ZNF407: variants seen among roughly 807,000 people sequenced by gnomAD.
The protein encoded by ZNF407 is zinc finger protein 407.
ZNF407 carries 17 observed loss-of-function variants against 131.2 expected under a neutral mutation model. That is an observed-to-expected ratio of 0.13 (90% CI 0.09 to 0.19). The LOEUF is 0.19. ZNF407 is among the 10% of genes least tolerant of loss of function. ZNF407 has a pLI of 1.00. For missense variants in ZNF407, 2,681 were observed against 2,830.6 expected (o/e 0.95, Z 1.20); for synonymous variants, 1,156 against 1,062.0 (o/e 1.09, Z -1.72).
intron 2 of ZNF407, among the ~76,000 whole-genome samples, chr18:74,639,785 C>G (rs904330167): frequency 4.6e-5 from 7 of 151,696 alleles, no homozygotes; most frequent in Admixed American, 4.6e-4. Context: ...AAATGCTTCA[C>G]TTTTTTTGTC....
At chr18:74,680,105 A>G (rs942961668) in intron 3 of ZNF407, among the ~76,000 whole-genome samples, 10 of 152,288 alleles carry the variant, frequency 6.6e-5, no homozygotes, top group African/African-American at 2.2e-4. Flanking sequence ...TAAGCCAGAA[A>G]ATCAGGCTGG....
intron 3 of ZNF407, among the ~76,000 whole-genome samples, chr18:74,718,583 A>T (rs182047534): frequency 1.1e-4 from 16 of 152,008 alleles, no homozygotes; most frequent in Middle Eastern, 3.4e-3. Flanking sequence ...GTTGGCCTTG[A>T]CTTCCTGTGC....
Position 74,641,045 on chromosome 18 carries a change from A to G in ZNF407, c.4725A>G (p.Ala1575=). The G allele has an allele frequency of 1.2e-6, 2 of 1,613,424 alleles. No homozygotes were observed. Among genetic ancestry groups the G allele is most frequent in the Non-Finnish European group, 1.7e-6 (2 of 1,179,460 alleles). Residue 1575 remains alanine (A), a synonymous_variant, in exon 3 of 9, where the codon GCA becomes GCG. Transcript: ENST00000299687. ...TCAAGTGCAAGATATGCCATTTTGC[A>G]ACAGCTCAGCTTGGAGATGCCAGAA... ...KPFKCKICHF[A]TAQLGDARNH... is the part of the protein sequence containing the mutation.
intron 8 of ZNF407, among the ~76,000 whole-genome samples, chr18:74,991,169 T>C (rs1386541559): frequency 2.6e-5 from 4 of 152,228 alleles, no homozygotes; most frequent in Non-Finnish European, 4.4e-5. Flanking sequence ...GAGAAAGTTA[T>C]AACTTATGAA....
At chr18:74,896,384 A>G (rs1971454008) in intron 7 of ZNF407, among the ~76,000 whole-genome samples, 2 of 152,242 alleles carry the variant, frequency 1.3e-5, no homozygotes, top group South Asian at 2.1e-4. Flanking sequence ...AAAAATACAA[A>G]TGTCCCAGGC....
intron 8 of ZNF407, among the ~76,000 whole-genome samples, chr18:74,994,251 A>G (rs915521644): frequency 6.6e-6 from 1 of 152,190 alleles, no homozygotes; most frequent in South Asian, 2.1e-4. Flanking sequence ...TAAAAAAAAA[A>G]TGTGTATATA....
intron 3 of ZNF407, among the ~76,000 whole-genome samples, chr18:74,647,060 T>C (rs1156354178): frequency 6.6e-6 from 1 of 152,230 alleles, no homozygotes; most frequent in African/African-American, 2.4e-5. Context: ...CTAAAGTCTT[T>C]TCCAGTGAAA....
chr18:74,950,469 G>A (rs2145278698), intron 8 of ZNF407, among the ~76,000 whole-genome samples: 1 of 152,240 alleles, frequency 6.6e-6, no homozygotes, highest in South Asian at 2.1e-4. Flanking sequence ...TTATTTAGAA[G>A]TCTCATTTAT....
At chr18:74,643,201 T>C (rs1274626948) in intron 3 of ZNF407, among the ~76,000 whole-genome samples, 3 of 152,134 alleles carry the variant, frequency 2.0e-5, no homozygotes, top group African/African-American at 2.4e-5. Context: ...TATTTATACA[T>C]TGACATCACT....
intron 4 of ZNF407, among the ~76,000 whole-genome samples, chr18:74,834,530 C>T (rs1599184980): frequency 6.6e-6 from 1 of 152,192 alleles, no homozygotes; most frequent in Non-Finnish European, 1.5e-5. Context: ...AGAAATAACT[C>T]CAGACTGGAT....
intron 8 of ZNF407, among the ~76,000 whole-genome samples, chr18:74,924,110 A>G (rs1165090819): frequency 6.6e-6 from 1 of 152,210 alleles, no homozygotes. Context: ...AGTACGTTTT[A>G]TATGATTGTG....
intron 4 of ZNF407, among the ~76,000 whole-genome samples, chr18:74,786,511 TAA>T (rs372985621): frequency 2.8e-4 from 42 of 151,884 alleles, no homozygotes; most frequent in African/African-American, 9.2e-4. Flanking sequence ...TTAGGAAAAA[TAA>T]AGTGTTTATG....
chr18:74,662,685 A>G (rs1240822071), intron 3 of ZNF407, among the ~76,000 whole-genome samples: 2 of 152,234 alleles, frequency 1.3e-5, no homozygotes, highest in Non-Finnish European at 2.9e-5. Flanking sequence ...AGACAGAAAA[A>G]TGCATTCAAC....
chr18:74,902,472 T>C (rs551368446), intron 7 of ZNF407, among the ~76,000 whole-genome samples: 1 of 152,276 alleles, frequency 6.6e-6, no homozygotes, highest in Non-Finnish European at 1.5e-5. Flanking sequence ...AATAAGACGT[T>C]TGAGAGACTT....
intron 3 of ZNF407, among the ~76,000 whole-genome samples, chr18:74,709,226 G>T (rs1967699552): frequency 6.6e-6 from 1 of 152,106 alleles, no homozygotes; most frequent in African/African-American, 2.4e-5. Flanking sequence ...CAGTCTTTTA[G>T]GTTGAATTAA....
intron 8 of ZNF407, among the ~76,000 whole-genome samples, chr18:75,011,523 TAAAA>T (rs575738142): frequency 6.6e-6 from 1 of 151,970 alleles, no homozygotes; most frequent in Non-Finnish European, 1.5e-5. Context: ...TTATTACACA[TAAAA>T]AAAATCTTTG....
At chr18:74,798,874 T>C (rs1969969844) in intron 4 of ZNF407, among the ~76,000 whole-genome samples, 2 of 152,126 alleles carry the variant, frequency 1.3e-5, no homozygotes, top group Non-Finnish European at 2.9e-5. Flanking sequence ...GACAGAATCT[T>C]TGGATTTTAT....
In ZNF407 at chr18:74,634,945, T is replaced by G; in HGVS notation, c.3926T>G (p.Leu1309Arg). Reference sequence around the variant, plus strand: ...CCCGTTCTGGGGAATAAGGAAATTCTGATGAATTCACAACATGAAACAGAA... The same window carrying G: ...CCCGTTCTGGGGAATAAGGAAATTCGGATGAATTCACAACATGAAACAGAA... ...EDPVLGNKEI[L>R]MNSQHETEFI... is the part of the protein sequence containing the mutation. Residue 1309 changes from leucine to arginine, a missense_variant, in exon 2 of 9, where the codon CTG (leucine) becomes CGG (arginine). This residue lies in a region of ZNF407 where 1,789 missense variants were observed against 1,748.7 expected (regional missense o/e 1.02). Coordinates refer to ENST00000299687, the MANE Select transcript of ZNF407 (RefSeq NM_017757.3). 1 of 1,614,026 alleles carries G rather than the reference T, an allele frequency of 6.2e-7. No homozygotes were observed. Among genetic ancestry groups the G allele is most frequent in the East Asian group, 2.2e-5 (1 of 44,886 alleles).
chr18:75,050,844 T>G (rs1277588665), intron 8 of ZNF407, among the ~76,000 whole-genome samples: 2 of 152,180 alleles, frequency 1.3e-5, no homozygotes, highest in East Asian at 3.8e-4. Flanking sequence ...TCTATGGAGA[T>G]TTCTCTTTCT....
Sources: allele counts gnomAD v4.1 joint callset (sites outside exome capture counted in the v4.1 genomes callset), GRCh38; gene constraint gnomAD v4.1.1; regional missense constraint gnomAD v4.1.1; transcripts MANE v1.5; gene names NCBI Gene and HGNC (gene_info 2026-07-23, HGNC 2026-07-21).